The following PHLDB2 variants were observed in gnomAD, a reference collection of about 807,000 sequenced individuals.
PHLDB2 encodes the protein pleckstrin homology-like domain family B member 2.
A neutral mutation model predicts 123.6 loss-of-function variants in PHLDB2; 71 were observed. The observed-to-expected ratio is 0.57, with a 90% CI of 0.47 to 0.70. PHLDB2 has a LOEUF of 0.70. PHLDB2 is among the 30% of genes least tolerant of loss of function. The pLI, the probability that PHLDB2 is intolerant of heterozygous loss-of-function variation, is 0.00. For missense variants in PHLDB2, 1,446 were observed against 1,519.5 expected (o/e 0.95, Z 0.80); for synonymous variants, 547 against 541.6 (o/e 1.01, Z -0.14).
At chr3:111,847,686 T>G (rs921265062) in intron 2 of PHLDB2, among the ~76,000 whole-genome samples, 9 of 152,028 alleles carry the variant, frequency 5.9e-5, no homozygotes, top group African/African-American at 2.2e-4. Flanking sequence ...AGAGCCTTAC[T>G]TACTGCACAC....
intron 3 of PHLDB2, chr3:111,914,244 G>T (rs1345500234): frequency 1.3e-5 from 2 of 149,624 alleles, no homozygotes; most frequent in African/African-American, 5.0e-5. Context: ...ATCCATATGC[G>T]CAAATATTGT....
At chr3:111,913,933 TTTCTC>T in intron 3 of PHLDB2, 2 of 545,202 alleles carry the variant, frequency 3.7e-6, no homozygotes, top group Non-Finnish European at 3.2e-6. Flanking sequence ...AGAAAGCACA[TTTCTC>T]TTCTCCCTGC....
intron 1 of PHLDB2, among the ~76,000 whole-genome samples, chr3:111,866,586 C>G (rs1428806473): frequency 6.6e-6 from 1 of 152,150 alleles, no homozygotes; most frequent in African/African-American, 2.4e-5. Context: ...GTTTCCCTCC[C>G]ATACACTCTC....
At chr3:111,758,894 C>A (rs2059947463) in intron 1 of PHLDB2, among the ~76,000 whole-genome samples, 1 of 152,104 alleles carries the variant, frequency 6.6e-6, no homozygotes, top group Non-Finnish European at 1.5e-5. Flanking sequence ...TTATAAGCTA[C>A]TAGATGCGGC....
chr3:111,744,999 C>T (rs192235796), intron 1 of PHLDB2, among the ~76,000 whole-genome samples: 2 of 152,236 alleles, frequency 1.3e-5, no homozygotes, highest in African/African-American at 4.8e-5. Flanking sequence ...TTGATCCTCC[C>T]AAGACCTTAT....
At chr3:111,953,843 G>T (rs2070862303) in intron 11 of PHLDB2, 87 bp from the exon 12 acceptor site, 7 of 999,724 alleles carry the variant, frequency 7.0e-6, no homozygotes, top group African/African-American at 1.6e-5. Context: ...CACTTAGATA[G>T]GAGCTTTGGA....
chr3:111,806,558 C>T (rs966820801), intron 1 of PHLDB2, among the ~76,000 whole-genome samples: 6 of 151,198 alleles, frequency 4.0e-5, no homozygotes, highest in African/African-American at 1.5e-4. Flanking sequence ...AATCTTGGCT[C>T]ACTGCAACCT....
At chr3:111,869,803 T>C (rs1360786282) in intron 1 of PHLDB2, among the ~76,000 whole-genome samples, 1 of 152,242 alleles carries the variant, frequency 6.6e-6, no homozygotes, top group Non-Finnish European at 1.5e-5. Flanking sequence ...AGCCTCCTTA[T>C]TTTGCCATTA....
At chr3:111,956,518 T>C (rs1186675777) in intron 12 of PHLDB2, among the ~76,000 whole-genome samples, 1 of 152,220 alleles carries the variant, frequency 6.6e-6, no homozygotes, top group Non-Finnish European at 1.5e-5. Context: ...ACGTCCTTTA[T>C]GCAGCTCAGA....
intron 1 of PHLDB2, 84 bp from the exon 2 acceptor site, chr3:111,883,980 T>G (rs934548772): frequency 6.1e-6 from 8 of 1,307,616 alleles, no homozygotes; most frequent in Non-Finnish European, 8.4e-6. Flanking sequence ...ACTGCAAGAT[T>G]GTTTGTTCAG....
intron 6 of PHLDB2, among the ~76,000 whole-genome samples, chr3:111,938,862 G>T (rs918120374): frequency 6.6e-6 from 1 of 151,650 alleles, no homozygotes; most frequent in Non-Finnish European, 1.5e-5. Flanking sequence ...GTCGCCCAGG[G>T]TGGAGTGCAA....
chr3:111,841,309 C>G (rs149414941), intron 1 of PHLDB2, among the ~76,000 whole-genome samples: 187 of 152,116 alleles, frequency 1.2e-3, no homozygotes, highest in Non-Finnish European at 1.8e-3. Flanking sequence ...TGAATTTAAA[C>G]AGTGAGCTTT....
chr3:111,891,539 A>G (rs1377952180), intron 2 of PHLDB2, among the ~76,000 whole-genome samples: 1 of 151,868 alleles, frequency 6.6e-6, no homozygotes, highest in Non-Finnish European at 1.5e-5. Flanking sequence ...CACTGATTCT[A>G]CATTATGATG....
chr3:111,757,849 A>G (rs1053669892), intron 1 of PHLDB2, among the ~76,000 whole-genome samples: 22 of 152,252 alleles, frequency 1.4e-4, no homozygotes, highest in African/African-American at 5.3e-4. Context: ...GGTCTGTTGG[A>G]GTTTGCTAGA....
intron 1 of PHLDB2, among the ~76,000 whole-genome samples, chr3:111,841,671 G>A (rs1361057960): frequency 6.6e-6 from 1 of 152,194 alleles, no homozygotes; most frequent in East Asian, 1.9e-4. Flanking sequence ...TCTGTACAGG[G>A]TGTCAGCTGG....
intron 2 of PHLDB2, among the ~76,000 whole-genome samples, chr3:111,888,445 AT>A (rs1010427005): frequency 6.6e-6 from 1 of 152,298 alleles, no homozygotes; most frequent in Non-Finnish European, 1.5e-5. Flanking sequence ...AGAATTGTGT[AT>A]ACCTGAGAGT....
At chr3:111,850,307 G>C (rs2064194765) in intron 2 of PHLDB2, among the ~76,000 whole-genome samples, 1 of 152,136 alleles carries the variant, frequency 6.6e-6, no homozygotes. Flanking sequence ...GAGAAGGTGA[G>C]GGGGGCAGGG....
At chr3:111,770,023 CA>C (rs2060147344) in intron 1 of PHLDB2, among the ~76,000 whole-genome samples, 2 of 152,174 alleles carry the variant, frequency 1.3e-5, no homozygotes, top group Non-Finnish European at 2.9e-5. Context: ...AAATTTATGT[CA>C]CTTTCCAGTA....
At chr3:111,815,233 G>A (rs2062021904) in intron 1 of PHLDB2, among the ~76,000 whole-genome samples, 1 of 152,118 alleles carries the variant, frequency 6.6e-6, no homozygotes, top group African/African-American at 2.4e-5. Flanking sequence ...CATGAAAATG[G>A]ACTAATACAG....
Sources: allele counts gnomAD v4.1 joint callset (sites outside exome capture counted in the v4.1 genomes callset), GRCh38; gene constraint gnomAD v4.1.1; transcripts MANE v1.5; gene names NCBI Gene and HGNC (gene_info 2026-07-23, HGNC 2026-07-21).